The following UGT1A7 variants were observed in gnomAD, a reference collection of about 807,000 sequenced individuals.
UGT1A7 encodes the protein UDP glucuronosyltransferase family 1 member A7.
A neutral mutation model predicts 45.6 loss-of-function variants in UGT1A7; 33 were observed. The observed-to-expected ratio is 0.72, with a 90% confidence interval of 0.55 to 0.97. UGT1A7 has a LOEUF of 0.97. Among genes scored for constraint, UGT1A7 ranks in the 50% least tolerant of loss-of-function variants. The pLI, the probability that UGT1A7 is intolerant of heterozygous loss-of-function variation, is 0.00. For missense variants in UGT1A7, 684 were observed against 666.2 expected (o/e 1.03, Z -0.29); for synonymous variants, 274 against 250.6 (o/e 1.09, Z -0.88).
chr2:233,768,908 GA>G (rs1376378983), intron 4 of UGT1A7, among the ~76,000 whole-genome samples: 2 of 152,020 alleles, frequency 1.3e-5, no homozygotes, highest in African/African-American at 4.8e-5. Context: ...AGATAATTTA[GA>G]GGTTATTATT....
chr2:233,721,879 C>G, intron 1 of UGT1A7: 1 of 493,898 alleles, frequency 2.0e-6, no homozygotes, highest in South Asian at 1.5e-5. Context: ...ACTTGCCAGC[C>G]CCTCCATTGC....
chr2:233,768,681 C>T lies in UGT1A7; in HGVS notation c.1295+242C>T, dbSNP rs537750391. On this transcript the variant is annotated intron_variant, in intron 4 of 4. Coordinates refer to ENST00000373426, the MANE Select transcript of UGT1A7 (RefSeq NM_019077.3). Reference sequence around the variant, plus strand: ...GGCTTACTGCAACCTCCACCTCCCACGTTCAAGCAGTTCTGCCTCAGCCTC... The same window carrying T: ...GGCTTACTGCAACCTCCACCTCCCATGTTCAAGCAGTTCTGCCTCAGCCTC... 2.7e-5 allele frequency among the ~76,000 whole-genome samples: 4 copies of T among 148,006 alleles called. No individual in the cohort carries two copies. The East Asian group carries it at 6.1e-4, about 23-fold the overall frequency.
At chr2:233,770,500 A>AT (rs1700093584) in intron 4 of UGT1A7, 1 of 152,124 alleles carries the variant, frequency 6.6e-6, no homozygotes, top group Admixed American at 6.5e-5. Flanking sequence ...CCAAAAAAAT[A>AT]TAAAAAAATT....
Position 233,681,902 on chromosome 2 carries a change from GA to G in UGT1A7, c.-34del. On this transcript the variant is annotated 5_prime_UTR_variant, in exon 1 of 5. Transcript: ENST00000373426. ...CCACTTACTATATTATAGGAGCTTA[GA>G]ATCCCAGCTGCTGGCTCTGGGCTGA... The G allele has an allele frequency of 1.9e-6, 3 of 1,594,860 alleles. No individual in the cohort carries two copies. The highest frequency in any genetic ancestry group is 2.6e-6 in the Non-Finnish European group (3 of 1,170,736).
chr2:233,738,808 A>G (rs1190321536), intron 1 of UGT1A7: 3 of 152,254 alleles, frequency 2.0e-5, no homozygotes, highest in South Asian at 4.1e-4. Flanking sequence ...TACTAGCTAA[A>G]GAAATTTGAA....
In UGT1A7 at chr2:233,691,755, T is replaced by A. The variant is rs144640470; in HGVS notation, c.855+8963T>A. The A allele has an allele frequency of 5.1e-3, 2,691 of 530,206 alleles. 14 individuals are homozygous for A. The highest frequency in any genetic ancestry group is 6.1e-3 in the Non-Finnish European group (2,529 of 413,718). 32.8% of individuals were successfully genotyped at this position (530,206 alleles called of 1,614,324 possible). A position where few individuals can be genotyped will look rare whatever the true frequency, so the allele number is the denominator to read the frequency against. On this transcript the variant is annotated intron_variant, in intron 1 of 4. Coordinates refer to ENST00000373426, the MANE Select transcript of UGT1A7 (RefSeq NM_019077.3). Reference sequence around the variant, plus strand: ...AGAAGCAGATACCAGGCTTTCTGACTCCTGCTCTAGGATTCTCACCACGTA... The same window carrying A: ...AGAAGCAGATACCAGGCTTTCTGACACCTGCTCTAGGATTCTCACCACGTA...
chr2:233,761,029 T>C (rs769198771), intron 1 of UGT1A7: 2 of 1,614,178 alleles, frequency 1.2e-6, no homozygotes, highest in East Asian at 2.2e-5. Context: ...CCAGGACCTA[T>C]TGAGCTCTGC....
intron 1 of UGT1A7, among the ~76,000 whole-genome samples, chr2:233,711,075 T>C (rs1229421312): frequency 6.6e-6 from 1 of 152,254 alleles, no homozygotes; most frequent in Admixed American, 6.5e-5. Context: ...CTTATGCTGA[T>C]GGCTCCAAGT....
At position 233,767,873 on chromosome 2, in the gene UGT1A7, C is replaced by T. The variant is rs72551349; in HGVS notation, c.1012C>T (p.Arg338Ter). 2.0e-5 allele frequency: 32 copies of T among 1,614,038 alleles called. No homozygotes were observed. Among genetic ancestry groups the T allele is most frequent in the South Asian group, 1.5e-4 (14 of 91,082 alleles). The change falls in exon 3 of 5, where the codon CGA becomes TGA. Residue 338 changes from arginine (R) to a stop codon, truncating the protein, a stop_gained. Transcript: ENST00000373426. LOFTEE classifies it high-confidence loss of function. Reference sequence around the variant, plus strand: ...GGTCCTGTGGCGGTACACTGGAACCCGACCATCGAATCTTGCGAACAACAC... The same window carrying T: ...GGTCCTGTGGCGGTACACTGGAACCTGACCATCGAATCTTGCGAACAACAC... ...QTVLWRYTGT[R>*]PSNLANNTIL...
Position 233,772,354 on chromosome 2 carries a change from T to C in UGT1A7, c.1388T>C (p.Met463Thr). 1 of 1,614,252 alleles carries C rather than the reference T, an allele frequency of 6.2e-7. No individual in the cohort carries two copies. The highest frequency in any genetic ancestry group is 8.5e-7 in the Non-Finnish European group (1 of 1,180,050). ...GCCGTGTTCTGGGTGGAGTTTGTGATGAGGCACAAGGGCGCGCCACACCTG... is the reference window on the plus strand; with the variant it reads ...GCCGTGTTCTGGGTGGAGTTTGTGACGAGGCACAAGGGCGCGCCACACCTG... ...DLAVFWVEFV[M>T]RHKGAPHLRP... Residue 463 changes from methionine to threonine, a missense_variant, in exon 5 of 5, where the codon ATG becomes ACG. Transcript: ENST00000373426.
In UGT1A7 at chr2:233,682,362, T is replaced by G. The variant is rs747551450; in HGVS notation, c.425T>G (p.Phe142Cys). Reference sequence around the variant, plus strand: ...GTAGAATACTTAAAGGAGAGTTGTTTTGATGCAGTGTTTCTCGATCCTTTT... The same window carrying G: ...GTAGAATACTTAAAGGAGAGTTGTTGTGATGCAGTGTTTCTCGATCCTTTT... Reference protein sequence around the residue: ...KLVEYLKESCFDAVFLDPFDA... With the variant: ...KLVEYLKESCCDAVFLDPFDA... Residue 142 changes from phenylalanine to cysteine, a missense_variant, in exon 1 of 5, where the codon TTT (phenylalanine) becomes TGT (cysteine). Transcript: ENST00000373426. 1.2e-6 allele frequency: 2 copies of G among 1,614,152 alleles called. No individual in the cohort carries two copies. Among genetic ancestry groups the G allele is most frequent in the Non-Finnish European group, 1.7e-6 (2 of 1,179,990 alleles).
At chr2:233,691,877 G>A (rs948217573) in intron 1 of UGT1A7, 2 of 155,778 alleles carry the variant, frequency 1.3e-5, no homozygotes, top group Admixed American at 1.3e-4. Flanking sequence ...ATATATGTTT[G>A]TCTTTGTTTC....
chr2:233,707,852 A>G (rs917969840), intron 1 of UGT1A7, among the ~76,000 whole-genome samples: 14 of 152,114 alleles, frequency 9.2e-5, no homozygotes, highest in African/African-American at 1.4e-4. Flanking sequence ...TATTTTTCAG[A>G]GTGGTTGTAC....
At chr2:233,714,867 TTCTA>T (rs1314617320) in intron 1 of UGT1A7, among the ~76,000 whole-genome samples, 2 of 151,200 alleles carry the variant, frequency 1.3e-5, no homozygotes, top group African/African-American at 4.9e-5. Flanking sequence ...AAAACTAAAA[TTCTA>T]TCTTTTAAAT....
At position 233,772,444 on chromosome 2, in the gene UGT1A7, T is replaced by C; in HGVS notation, c.1478T>C (p.Leu493Ser). 6.2e-7 allele frequency: 1 copy of C among 1,614,228 alleles called. No homozygotes were observed. Among genetic ancestry groups the C allele is most frequent in the South Asian group, 1.1e-5 (1 of 91,086 alleles). The change falls in exon 5 of 5, where the codon TTG (leucine) becomes TCG (serine). Residue 493 changes from leucine to serine, a missense_variant. Coordinates refer to ENST00000373426, the MANE Select transcript of UGT1A7 (RefSeq NM_019077.3). ...TCCTTGGACGTGATTGGTTTCCTCT[T>C]GGCCGTCGTGCTGACAGTGGCCTTC... ...YHSLDVIGFL[L>S]AVVLTVAFIT...
chr2:233,768,337 C>A lies in UGT1A7; in HGVS notation c.1193C>A (p.Ala398Glu). 1 of 1,614,128 alleles carries A rather than the reference C, an allele frequency of 6.2e-7. No individual in the cohort carries two copies. Among genetic ancestry groups the A allele is most frequent in the African/African-American group, 1.3e-5 (1 of 75,022 alleles). ...TTGTTTGGTGATCAGATGGACAATG[C>A]AAAGCGCATGGAGACTAAGGGAGCT... The part of the protein sequence containing the change: ...MPLFGDQMDN[A>E]KRMETKGAGV... The change falls in exon 4 of 5, where the codon GCA becomes GAA. Residue 398 changes from alanine to glutamate, a missense_variant. Coordinates refer to ENST00000373426, the MANE Select transcript of UGT1A7 (RefSeq NM_019077.3).
At chr2:233,743,967 C>T in intron 1 of UGT1A7, 2 of 1,326,686 alleles carry the variant, frequency 1.5e-6, no homozygotes, top group Non-Finnish European at 2.0e-6. Flanking sequence ...AGCGGCAAGG[C>T]TGCCAGCACC....
At chr2:233,710,864 A>T (rs1455243493) in intron 1 of UGT1A7, among the ~76,000 whole-genome samples, 1 of 152,198 alleles carries the variant, frequency 6.6e-6, no homozygotes, top group Non-Finnish European at 1.5e-5. Context: ...TATGTTTTTT[A>T]AAAAAGTTAA....
chr2:233,725,175 T>C (rs1280099835), intron 1 of UGT1A7, among the ~76,000 whole-genome samples: 1 of 81,992 alleles, frequency 1.2e-5, no homozygotes, highest in African/African-American at 7.9e-5. Context: ...AGGGAGACCG[T>C]GGGGAGAGGC....
Sources: gnomAD v4.1 joint callset for allele counts (sites outside exome capture counted in the v4.1 genomes callset) on GRCh38, gnomAD v4.1.1 for gene constraint, MANE v1.5 for transcripts, NCBI Gene and HGNC (gene_info 2026-07-23, HGNC 2026-07-21) for gene names.